Variants in EPB41L4A observed in about 807,000 individuals in gnomAD.
The protein encoded by EPB41L4A is erythrocyte membrane protein band 4.1 like 4A.
In EPB41L4A, 100 loss-of-function variants were observed where a neutral mutation model predicts 108.6. That is an observed-to-expected ratio of 0.92 (90% confidence interval 0.78 to 1.09). The LOEUF is 1.09. EPB41L4A is among the 50% of genes least tolerant of loss of function. The pLI, the probability that EPB41L4A is intolerant of heterozygous loss-of-function variation, is 0.00. For missense variants in EPB41L4A, 1,030 were observed against 842.7 expected (o/e 1.22, Z -2.75); for synonymous variants, 319 against 289.0 (o/e 1.10, Z -1.05).
rs976831649 is a variant in EPB41L4A, at chr5:112,164,231, G to C, written c.*759C>G. On this transcript the variant is annotated 3_prime_UTR_variant, in exon 23 of 23. Coordinates refer to ENST00000261486, the MANE Select transcript of EPB41L4A (RefSeq NM_022140.5). ...GTGGAACTTAACACCACAAAATAAAGTATTATAAAGAACTTTATATGAATA... is the reference window on the plus strand; with the variant it reads ...GTGGAACTTAACACCACAAAATAAACTATTATAAAGAACTTTATATGAATA... 1 of 152,192 alleles carries C rather than the reference G, an allele frequency of 6.6e-6. No homozygotes were observed. The highest frequency in any genetic ancestry group is 1.5e-5 in the Non-Finnish European group (1 of 68,034). 9.4% of individuals were successfully genotyped at this position (152,192 alleles called of 1,614,324 possible). A position where few individuals can be genotyped will look rare whatever the true frequency, so the allele number is the denominator to read the frequency against.
At chr5:112,416,007 T>C (rs1312688373) in intron 1 of EPB41L4A, among the ~76,000 whole-genome samples, 1 of 152,098 alleles carries the variant, frequency 6.6e-6, no homozygotes, top group East Asian at 1.9e-4. Flanking sequence ...ATTTTCCATT[T>C]AAATGGAAAT....
intron 12 of EPB41L4A, among the ~76,000 whole-genome samples, chr5:112,216,108 C>A (rs1374605758): frequency 1.3e-5 from 2 of 152,312 alleles, no homozygotes; most frequent in East Asian, 3.9e-4. Flanking sequence ...TTGAGTACCT[C>A]CATCTTAAGT....
At chr5:112,362,915 TTA>T (rs1479327768) in intron 1 of EPB41L4A, among the ~76,000 whole-genome samples, 1 of 84,242 alleles carries the variant, frequency 1.2e-5, no homozygotes. Context: ...TTGATTATTA[TTA>T]TTTTTTTTTA....
chr5:112,224,593 C>T (rs1185648180), intron 12 of EPB41L4A, among the ~76,000 whole-genome samples: 1 of 152,112 alleles, frequency 6.6e-6, no homozygotes, highest in Admixed American at 6.5e-5. Flanking sequence ...CAGGTCACAA[C>T]CAAGGCAGAC....
rs998290177 is a variant in EPB41L4A at position 112,416,998 on chromosome 5, G to A, written c.99+1943C>T. On this transcript the variant is annotated intron_variant, in intron 1 of 22. Coordinates refer to ENST00000261486, the MANE Select transcript of EPB41L4A (RefSeq NM_022140.5). Reference sequence around the variant, plus strand: ...TACACACATGGCCATCAAAATAATTGTGGCATGCTTTTGTGACAAGGACAG... The same window carrying A: ...TACACACATGGCCATCAAAATAATTATGGCATGCTTTTGTGACAAGGACAG... Among the ~76,000 whole-genome samples, 3 of 152,296 alleles carry A rather than the reference G, an allele frequency of 2.0e-5. No individual in the cohort carries two copies. In the South Asian group the frequency reaches 6.2e-4, roughly 32 times the overall value.
intron 12 of EPB41L4A, chr5:112,228,668 T>C (rs1037750981): frequency 2.3e-5 from 23 of 979,990 alleles, no homozygotes; most frequent in Admixed American, 6.1e-5. Context: ...CATTGCCTAC[T>C]TACAGCAGAG....
chr5:112,152,924 C>T (rs759451562), intron 12 of EPB41L4A, among the ~76,000 whole-genome samples: 57 of 152,072 alleles, frequency 3.7e-4, no homozygotes, highest in Admixed American at 7.9e-4. Flanking sequence ...AACATAATTT[C>T]AAATATATAC....
chr5:112,169,003 C>T lies in EPB41L4A; in HGVS notation c.1842G>A (p.Ser614=), dbSNP rs773332244. ...CTGGCCTGCCCACTTACTTCACTTCCGAGAGAACTGATCGCTCCCCATCTG... is the reference window on the plus strand; with the variant it reads ...CTGGCCTGCCCACTTACTTCACTTCTGAGAGAACTGATCGCTCCCCATCTG... The part of the protein sequence containing the change: ...QCSDGERSVL[S]EVNSKTDLVP... Residue 614 remains serine, a synonymous_variant, in exon 21 of 23, where the codon TCG becomes TCA. Coordinates refer to ENST00000261486, the MANE Select transcript of EPB41L4A (RefSeq NM_022140.5). The T allele has an allele frequency of 2.5e-6, 4 of 1,612,750 alleles. No individual in the cohort carries two copies. Among genetic ancestry groups the T allele is most frequent in the Non-Finnish European group, 3.4e-6 (4 of 1,178,766 alleles).
intron 1 of EPB41L4A, among the ~76,000 whole-genome samples, chr5:112,393,103 A>G (rs927337559): frequency 1.3e-5 from 2 of 152,242 alleles, no homozygotes; most frequent in African/African-American, 2.4e-5. Flanking sequence ...GTGTAGAGGC[A>G]ATGTTATAGC....
chr5:112,197,394 C>G (rs1307075170), intron 15 of EPB41L4A, among the ~76,000 whole-genome samples: 1 of 152,178 alleles, frequency 6.6e-6, no homozygotes, highest in East Asian at 1.9e-4. Context: ...TATCAAATAA[C>G]ATGAACAGCA....
chr5:112,248,310 G>A (rs1453942195), intron 9 of EPB41L4A, among the ~76,000 whole-genome samples: 1 of 152,100 alleles, frequency 6.6e-6, no homozygotes, highest in East Asian at 1.9e-4. Context: ...GATAAACATG[G>A]CCAATTAGCA....
At chr5:112,155,575 A>G (rs777325417) in intron 12 of EPB41L4A, among the ~76,000 whole-genome samples, 4 of 152,262 alleles carry the variant, frequency 2.6e-5, no homozygotes, top group Non-Finnish European at 2.9e-5. Flanking sequence ...AGTGACTTTC[A>G]TATTTCTTCC....
At chr5:112,380,888 T>C (rs796435330) in intron 1 of EPB41L4A, among the ~76,000 whole-genome samples, 9 of 152,082 alleles carry the variant, frequency 5.9e-5, no homozygotes, top group African/African-American at 9.6e-5. Context: ...GCCACTGATA[T>C]TTAGAAACCA....
At chr5:112,217,010 C>T (rs1251147849) in intron 12 of EPB41L4A, among the ~76,000 whole-genome samples, 2 of 151,882 alleles carry the variant, frequency 1.3e-5, no homozygotes, top group African/African-American at 2.4e-5. Context: ...CTCGCTCAGC[C>T]ACCCACTCAC....
Position 112,310,871 on chromosome 5 carries a change from T to C in EPB41L4A, c.100-3381A>G, listed in dbSNP as rs187321042. On this transcript the variant is annotated intron_variant, in intron 1 of 22. Transcript: ENST00000261486. ...ATGATCTGTGGTTTCAGCAAGGACTTTGACTTCTCAGCAAGAGTTTAGGAT... is the reference window on the plus strand; with the variant it reads ...ATGATCTGTGGTTTCAGCAAGGACTCTGACTTCTCAGCAAGAGTTTAGGAT... Among the ~76,000 whole-genome samples the C allele has an allele frequency of 5.2e-4, 79 of 152,286 alleles. No individual in the cohort carries two copies. In the South Asian group the frequency reaches 0.016, roughly 31 times the overall value.
At chr5:112,320,081 T>C (rs1483547910) in intron 1 of EPB41L4A, among the ~76,000 whole-genome samples, 1 of 152,236 alleles carries the variant, frequency 6.6e-6, no homozygotes. Context: ...TTTCAAAAGT[T>C]AAATGAAATC....
At chr5:112,155,564 G>A (rs1580330488) in intron 12 of EPB41L4A, among the ~76,000 whole-genome samples, 2 of 152,140 alleles carry the variant, frequency 1.3e-5, no homozygotes, top group Middle Eastern at 3.4e-3. Context: ...CACATTTCTA[G>A]AGTGACTTTC....
At chr5:112,142,477 T>A (rs201248041) in exon 14 of EPB41L4A, 1 of 152,232 alleles carries the variant, frequency 6.6e-6, no homozygotes, top group African/African-American at 2.4e-5. Flanking sequence ...GATACAAATA[T>A]GAGCAAAAAT....
At chr5:112,385,161 C>T (rs534429067) in intron 1 of EPB41L4A, among the ~76,000 whole-genome samples, 1 of 152,334 alleles carries the variant, frequency 6.6e-6, no homozygotes, top group African/African-American at 2.4e-5. Context: ...GACCCCGATC[C>T]TGACCAAAAG....
Sources: allele counts gnomAD v4.1 joint callset (sites outside exome capture counted in the v4.1 genomes callset), GRCh38; gene constraint gnomAD v4.1.1; transcripts MANE v1.5; gene names NCBI Gene and HGNC (gene_info 2026-07-23, HGNC 2026-07-21).